Variants in CPNE8 observed in about 807,000 individuals in gnomAD.
The protein encoded by CPNE8 is copine 8, also known as copine-8.
A neutral mutation model predicts 81.5 loss-of-function variants in CPNE8; 45 were observed. The observed-to-expected ratio is 0.55, with a 90% CI of 0.44 to 0.71. CPNE8 has a LOEUF of 0.71. CPNE8 is among the 30% of genes least tolerant of loss of function. The probability of loss-of-function intolerance (pLI) is 0.00; values close to 1 mark genes in which losing one functional copy is unlikely to be tolerated. For synonymous variants in CPNE8, 252 were observed against 226.3 expected (o/e 1.11, Z -1.02); for missense variants, 594 against 672.1 (o/e 0.88, Z 1.28).
intron 1 of CPNE8, among the ~76,000 whole-genome samples, chr12:38,889,166 C>T (rs953472142): frequency 4.0e-5 from 6 of 150,762 alleles, no homozygotes; most frequent in Non-Finnish European, 7.3e-5. Context: ...ATGATATGAA[C>T]ACATTGGGCT....
At chr12:38,784,903 A>G (rs1050904652) in intron 6 of CPNE8, among the ~76,000 whole-genome samples, 10 of 152,156 alleles carry the variant, frequency 6.6e-5, no homozygotes, top group African/African-American at 1.9e-4. Flanking sequence ...AATCAGAAAG[A>G]AAAGGACCTT....
chr12:38,653,613 C>CTGT lies in CPNE8; in HGVS notation c.*266_*268dup, dbSNP rs1374465450. ...ACAATACATTGGAAATTAGCTGTTT[C>CTGT]TGTTAAAAAAAAAAAGAAAGAAAGA... On this transcript the variant is annotated 3_prime_UTR_variant, in exon 20 of 20. Coordinates refer to ENST00000331366, the MANE Select transcript of CPNE8 (RefSeq NM_153634.3). The CTGT allele has an allele frequency of 1.4e-5, 1 of 73,986 alleles. No individual in the cohort carries two copies. Among genetic ancestry groups the CTGT allele is most frequent in the African/African-American group, 5.0e-5 (1 of 20,112 alleles). 4.6% of individuals were successfully genotyped at this position (73,986 alleles called of 1,614,324 possible).
chr12:38,764,531 G>C (rs934056066), intron 8 of CPNE8, among the ~76,000 whole-genome samples: 1 of 147,170 alleles, frequency 6.8e-6, no homozygotes, highest in Non-Finnish European at 1.5e-5. Flanking sequence ...GCAGGAGAAT[G>C]GCGTGAACCC....
chr12:38,826,134 A>AGG, intron 6 of CPNE8, among the ~76,000 whole-genome samples: 1 of 152,182 alleles, frequency 6.6e-6, no homozygotes, highest in Non-Finnish European at 1.5e-5. Flanking sequence ...TGCCTAGCTA[A>AGG]GTTTTCTTAG....
chr12:38,765,595 T>C (rs1941671768), intron 8 of CPNE8, among the ~76,000 whole-genome samples: 1 of 152,118 alleles, frequency 6.6e-6, no homozygotes, highest in African/African-American at 2.4e-5. Flanking sequence ...GCTAGAATCT[T>C]TGCAGTTAAA....
At chr12:38,818,555 C>T (rs1943063866) in intron 6 of CPNE8, among the ~76,000 whole-genome samples, 1 of 152,122 alleles carries the variant, frequency 6.6e-6, no homozygotes, top group Admixed American at 6.5e-5. Flanking sequence ...CGGTTGGTTC[C>T]AGGTCTTGGC....
At chr12:38,832,810 C>T (rs746244460) in intron 5 of CPNE8, among the ~76,000 whole-genome samples, 46 of 152,144 alleles carry the variant, frequency 3.0e-4, no homozygotes, top group South Asian at 6.2e-4. Flanking sequence ...GGATTAGAGG[C>T]ATAAACCACT....
At chr12:38,905,759 G>A, upstream of CPNE8, 1 of 1,393,428 alleles carries the variant, frequency 7.2e-7, no homozygotes, top group South Asian at 1.6e-5. Flanking sequence ...CCAGGCAAGT[G>A]GCGCGCGGGG....
Position 38,902,315 on chromosome 12 carries a change from G to GGAAAGAAA in CPNE8, c.98+3114_98+3121dup, listed in dbSNP as rs201678434. On this transcript the variant is annotated intron_variant, in intron 1 of 19. Coordinates refer to ENST00000331366, the MANE Select transcript of CPNE8 (RefSeq NM_153634.3). The stretch of plus-strand genomic sequence containing the variant: ...GGAAGGAAAGGAAGGAAGGAAGGAA[G>GGAAAGAAA]GAAAGAAAGAAAGAAAGAAAGAAAG... 1.6e-3 allele frequency among the ~76,000 whole-genome samples: 137 copies of GGAAAGAAA among 83,810 alleles called. 1 individual carries two copies. The highest frequency in any genetic ancestry group is 2.9e-3 in the East Asian group (8 of 2,768). The allele number at this position is 83,810 out of a possible 152,430, so 55.0% of individuals were successfully genotyped here.
chr12:38,761,771 GA>G (rs1226882351), intron 9 of CPNE8, among the ~76,000 whole-genome samples: 2 of 152,142 alleles, frequency 1.3e-5, no homozygotes, highest in Non-Finnish European at 2.9e-5. Context: ...GAACTTTTGT[GA>G]ATCAGCAACC....
At chr12:38,790,555 C>G (rs1942297077) in intron 6 of CPNE8, among the ~76,000 whole-genome samples, 1 of 151,504 alleles carries the variant, frequency 6.6e-6, no homozygotes, top group Non-Finnish European at 1.5e-5. Flanking sequence ...CAGGATGACT[C>G]TAGTCAATAA....
intron 13 of CPNE8, 95 bp from the exon 14 acceptor site, chr12:38,703,016 T>A: frequency 1.2e-6 from 1 of 851,538 alleles, no homozygotes; most frequent in South Asian, 1.9e-5. Context: ...TGTCACTGAT[T>A]TTCTCAAACG....
intron 3 of CPNE8, among the ~76,000 whole-genome samples, chr12:38,852,551 A>G (rs1011471267): frequency 6.6e-6 from 1 of 152,082 alleles, no homozygotes; most frequent in African/African-American, 2.4e-5. Flanking sequence ...GCGGTGAGCC[A>G]AGATCGCGCC....
intron 2 of CPNE8, among the ~76,000 whole-genome samples, chr12:38,874,013 T>C (rs1944028596): frequency 6.6e-6 from 1 of 151,816 alleles, no homozygotes; most frequent in Non-Finnish European, 1.5e-5. Flanking sequence ...TAGCCCAGGC[T>C]GGTCTTGAAC....
At chr12:38,822,162 A>G (rs552006829) in intron 6 of CPNE8, among the ~76,000 whole-genome samples, 166 of 152,322 alleles carry the variant, frequency 1.1e-3, no homozygotes, top group African/African-American at 3.8e-3. Flanking sequence ...TTCTTAATTG[A>G]CACTGAACCC....
chr12:38,906,295 G>A, upstream of CPNE8: 1 of 985,550 alleles, frequency 1.0e-6, no homozygotes, highest in Non-Finnish European at 1.2e-6. Context: ...GGAACACGGT[G>A]GCAAAGTGGC....
At chr12:38,658,354 A>T (rs540299460) in intron 19 of CPNE8, among the ~76,000 whole-genome samples, 62 of 152,316 alleles carry the variant, frequency 4.1e-4, no homozygotes, top group African/African-American at 1.5e-3. Context: ...TAGAAAAAAA[A>T]GAGTAAAAAG....
intron 3 of CPNE8, among the ~76,000 whole-genome samples, chr12:38,849,184 T>C (rs1319636857): frequency 6.7e-6 from 1 of 148,926 alleles, no homozygotes; most frequent in African/African-American, 2.4e-5. Flanking sequence ...TGATTAATCA[T>C]GTTTTAATTC....
rs373110049 is a variant in CPNE8 at position 38,786,020 on chromosome 12, GA to G, written c.408-9720del. 4.2e-4 allele frequency among the ~76,000 whole-genome samples: 63 copies of G among 151,488 alleles called. 3 individuals carry two copies. The Middle Eastern group carries it at 0.014, about 33-fold the overall frequency. ...GAAAGAAGAGAACACAAAACAACTA[GA>G]AAAAAAATAAGAAAATGACAGGTGA... On this transcript the variant is annotated intron_variant, in intron 6 of 19. Coordinates refer to ENST00000331366, the MANE Select transcript of CPNE8 (RefSeq NM_153634.3).
Sources: gnomAD v4.1 joint callset for allele counts (sites outside exome capture counted in the v4.1 genomes callset) on GRCh38, gnomAD v4.1.1 for gene constraint, MANE v1.5 for transcripts, NCBI Gene and HGNC (gene_info 2026-07-23, HGNC 2026-07-21) for gene names.